Variants in KIRREL3 observed in about 807,000 individuals in gnomAD.
KIRREL3 encodes the protein kirre like nephrin family adhesion molecule 3.
A neutral mutation model predicts 89.7 loss-of-function variants in KIRREL3; 36 were observed. The observed-to-expected ratio is 0.40, with a 90% CI of 0.31 to 0.53. KIRREL3 has a LOEUF of 0.53. Ranked by LOEUF, KIRREL3 falls within the 20% of genes least tolerant of loss-of-function variation. The pLI is 0.49. For synonymous variants in KIRREL3, 445 were observed against 441.4 expected (o/e 1.01, Z -0.10); for missense variants, 864 against 1,056.6 (o/e 0.82, Z 2.53).
intron 4 of KIRREL3, among the ~76,000 whole-genome samples, chr11:126,512,340 C>A (rs10893527): frequency 0.04 from 6,086 of 152,174 alleles, 459 homozygotes; most frequent in African/African-American, 0.14. Flanking sequence ...GTCCTTGAGG[C>A]GAAGCTGTCC....
intron 1 of KIRREL3, among the ~76,000 whole-genome samples, chr11:126,585,309 C>T (rs1941778995): frequency 7.0e-6 from 1 of 143,482 alleles, no homozygotes; most frequent in Admixed American, 7.2e-5. Context: ...TCTCGGCTCA[C>T]TGCAACCTCT....
At position 126,553,643 on chromosome 11, in the gene KIRREL3, T is replaced by C. The variant is rs1467084254; in HGVS notation, c.133+9192A>G. ...TCGATTCCCGTCACCTTCTGAACCTTGAAGGGAGTTCTTCTGATGGGAACT... is the reference window on the plus strand; with the variant it reads ...TCGATTCCCGTCACCTTCTGAACCTCGAAGGGAGTTCTTCTGATGGGAACT... On this transcript the variant is annotated intron_variant, in intron 2 of 16. Coordinates refer to ENST00000525144, the MANE Select transcript of KIRREL3 (RefSeq NM_032531.4). The surrounding 1 kb of genome is among the most constrained non-coding windows in gnomAD (Gnocchi z 4.7). Among the ~76,000 whole-genome samples the C allele has an allele frequency of 1.3e-5, 2 of 152,174 alleles. No homozygotes were observed. The highest frequency in any genetic ancestry group is 2.9e-5 in the Non-Finnish European group (2 of 68,042).
At chr11:126,735,494 A>G (rs1043601068) in intron 1 of KIRREL3, among the ~76,000 whole-genome samples, 8 of 152,206 alleles carry the variant, frequency 5.3e-5, no homozygotes, top group Non-Finnish European at 8.8e-5. Context: ...CGACAGATCA[A>G]TACTTCCACT....
At chr11:126,524,382 A>G (rs1270591236) in intron 3 of KIRREL3, among the ~76,000 whole-genome samples, 1 of 152,224 alleles carries the variant, frequency 6.6e-6, no homozygotes, top group Non-Finnish European at 1.5e-5. Flanking sequence ...AAGACAGAGT[A>G]TCTGGACCCT....
chr11:126,785,131 AG>A (rs1950447460), intron 1 of KIRREL3, among the ~76,000 whole-genome samples: 1 of 152,154 alleles, frequency 6.6e-6, no homozygotes, highest in African/African-American at 2.4e-5. Context: ...CGTGGGGGCA[AG>A]GGAATGTGGC....
intron 10 of KIRREL3, among the ~76,000 whole-genome samples, chr11:126,442,313 AACACACACACACACACACACACAC>A (rs71984147): frequency 0.12 from 16,468 of 136,520 alleles, 1,205 homozygotes; most frequent in East Asian, 0.29. Context: ...AGACACACAA[AACACACACACACACACACACACAC>A]ACACACACAC....
At position 126,627,917 on chromosome 11, in the gene KIRREL3, C is replaced by A. The variant is rs960661308; in HGVS notation, c.56-65005G>T. ...GGAAAACAGCCCAGGAGTTGGGAGACCCACATCTTCATTCTGTCTCTCCCA... is the reference window on the plus strand; with the variant it reads ...GGAAAACAGCCCAGGAGTTGGGAGAACCACATCTTCATTCTGTCTCTCCCA... On this transcript the variant is annotated intron_variant, in intron 1 of 16. Transcript: ENST00000525144. This position sits in a 1 kb window ranked among gnomAD's most constrained non-coding sequence, Gnocchi z 5.0. Among the ~76,000 whole-genome samples, 1 of 152,132 alleles carries A rather than the reference C, an allele frequency of 6.6e-6. No homozygotes were observed. Among genetic ancestry groups the A allele is most frequent in the Non-Finnish European group, 1.5e-5 (1 of 68,030 alleles).
intron 4 of KIRREL3, among the ~76,000 whole-genome samples, chr11:126,512,778 T>C (rs1012674682): frequency 2.4e-4 from 36 of 152,136 alleles, no homozygotes; most frequent in African/African-American, 8.4e-4. Flanking sequence ...ATCCTTGCTC[T>C]CAGGAGGAAG....
Position 126,983,200 on chromosome 11 carries a change from T to C in KIRREL3, c.55+17255A>G, listed in dbSNP as rs546460442. ...TGTAGGTACAATATTATAATAACCA[T>C]TTTGTACTAAGCACCTATTATTTGA... On this transcript the variant is annotated intron_variant, in intron 1 of 16. Transcript: ENST00000525144. The surrounding 1 kb of genome is among the most constrained non-coding windows in gnomAD (Gnocchi z 4.9). Among the ~76,000 whole-genome samples the C allele has an allele frequency of 1.2e-3, 182 of 152,284 alleles. 1 individual carries two copies. The highest frequency in any genetic ancestry group is 4.3e-3 in the African/African-American group (179 of 41,562).
chr11:126,446,996 T>C, intron 8 of KIRREL3, 110 bp from the exon 9 acceptor site: 1 of 1,352,504 alleles, frequency 7.4e-7, no homozygotes. Context: ...AGGCAGGCAG[T>C]GGGGTACTTG....
chr11:126,934,000 CAAA>C (rs60806775), intron 1 of KIRREL3, among the ~76,000 whole-genome samples: 6,207 of 146,570 alleles, frequency 0.042, 225 homozygotes, highest in East Asian at 0.14. Context: ...CTGGAAAAGA[CAAA>C]AAAAAAAAAA....
rs1950136292 is a variant in KIRREL3 at position 126,994,963 on chromosome 11, C to T, written c.55+5492G>A. 1 of 344,186 alleles carries T rather than the reference C, an allele frequency of 2.9e-6. No individual in the cohort carries two copies. The allele number at this position is 344,186 out of a possible 1,614,324, so 21.3% of individuals were successfully genotyped here. A position where few individuals can be genotyped will look rare whatever the true frequency, so the allele number is the denominator to read the frequency against. ...CTAACTGGGTAAATTCTGACTTTCT[C>T]TTGGGAAAAGAAAATGACATGCAAT... On this transcript the variant is annotated intron_variant, in intron 1 of 16. Coordinates refer to ENST00000525144, the MANE Select transcript of KIRREL3 (RefSeq NM_032531.4). This position sits in a 1 kb window ranked among gnomAD's most constrained non-coding sequence, Gnocchi z 5.2.
rs1948823434 is a variant in KIRREL3 at position 126,953,347 on chromosome 11, G to C, written c.55+47108C>G. Among the ~76,000 whole-genome samples the C allele has an allele frequency of 6.6e-6, 1 of 152,082 alleles. No homozygotes were observed. Among genetic ancestry groups the C allele is most frequent in the Non-Finnish European group, 1.5e-5 (1 of 68,018 alleles). ...GGGCTTGTTGTGGGGTGGGGGGCTAGGGGAGAGATAGCATTAGGAGAAATA... is the reference window on the plus strand; with the variant it reads ...GGGCTTGTTGTGGGGTGGGGGGCTACGGGAGAGATAGCATTAGGAGAAATA... On this transcript the variant is annotated intron_variant, in intron 1 of 16. Transcript: ENST00000525144. The surrounding 1 kb of genome is among the most constrained non-coding windows in gnomAD (Gnocchi z 5.2).
At chr11:126,781,717 C>T (rs752690916) in intron 1 of KIRREL3, among the ~76,000 whole-genome samples, 1 of 152,290 alleles carries the variant, frequency 6.6e-6, no homozygotes, top group East Asian at 1.9e-4. Context: ...CCATGCATCA[C>T]GCAAGGACAC....
Position 126,678,813 on chromosome 11 carries a change from G to A in KIRREL3, c.56-115901C>T, listed in dbSNP as rs570486738. Among the ~76,000 whole-genome samples, 155 of 152,278 alleles carry A rather than the reference G, an allele frequency of 1.0e-3. 1 individual carries two copies. The highest frequency in any genetic ancestry group is 3.5e-3 in the African/African-American group (145 of 41,560). ...AAGCCTGCACAGAGAGAGGATATCA[G>A]TGGAGGTGGCCATACGGCCTTTAAT... On this transcript the variant is annotated intron_variant, in intron 1 of 16. Transcript: ENST00000525144.
intron 1 of KIRREL3, among the ~76,000 whole-genome samples, chr11:126,947,065 C>G (rs930299006): frequency 2.0e-5 from 3 of 152,112 alleles, no homozygotes; most frequent in Admixed American, 2.0e-4. Flanking sequence ...TTTTCATGAT[C>G]CTCAAAATGT....
At chr11:126,698,079 C>T (rs1449303671) in intron 1 of KIRREL3, among the ~76,000 whole-genome samples, 1 of 152,196 alleles carries the variant, frequency 6.6e-6, no homozygotes, top group Non-Finnish European at 1.5e-5. Flanking sequence ...TGTAAAAACT[C>T]CTAAATGGAG....
At chr11:126,920,715 A>C (rs11220661) in intron 1 of KIRREL3, among the ~76,000 whole-genome samples, 2,864 of 152,148 alleles carry the variant, frequency 0.019, 98 homozygotes, top group East Asian at 0.13. Flanking sequence ...CTGGGCAATC[A>C]CTTTTTTCCC....
At position 126,708,046 on chromosome 11, in the gene KIRREL3, C is replaced by T. The variant is rs879341154; in HGVS notation, c.56-145134G>A. Among the ~76,000 whole-genome samples the T allele has an allele frequency of 4.6e-5, 7 of 152,184 alleles. No individual in the cohort carries two copies. The highest frequency in any genetic ancestry group is 7.2e-5 in the African/African-American group (3 of 41,446). ...ATTGGCAATACTCCCCTCCGCATCC[C>T]TGAAGCAGGTGATGATCTCCATAGG... On this transcript the variant is annotated intron_variant, in intron 1 of 16. Coordinates refer to ENST00000525144, the MANE Select transcript of KIRREL3 (RefSeq NM_032531.4). The surrounding 1 kb of genome is among the most constrained non-coding windows in gnomAD (Gnocchi z 5.7).
Sources: allele counts gnomAD v4.1 joint callset (sites outside exome capture counted in the v4.1 genomes callset), GRCh38; gene constraint gnomAD v4.1.1; non-coding constraint Gnocchi (gnomAD v3.1); transcripts MANE v1.5; gene names NCBI Gene and HGNC (gene_info 2026-07-23, HGNC 2026-07-21).